PRDM14: variants seen among roughly 807,000 people sequenced by gnomAD.
The protein encoded by PRDM14 is PR/SET domain 14, also known as PR domain zinc finger protein 14.
PRDM14 carries 16 observed loss-of-function variants against 48.0 expected under a neutral mutation model. That is an observed-to-expected ratio of 0.33 (90% CI 0.23 to 0.51). PRDM14 has a LOEUF of 0.51. PRDM14 is among the 20% of genes least tolerant of loss of function. PRDM14 has a pLI of 0.97. For synonymous variants in PRDM14, 264 were observed against 276.6 expected (o/e 0.95, Z 0.45); for missense variants, 566 against 719.6 (o/e 0.79, Z 2.44).
At position 70,053,098 on chromosome 8, in the gene PRDM14, TAAAAAAA is replaced by T. The variant is rs71275048; in HGVS notation, c.1489-801_1489-795del. ...GGGTAACAGAGCAAGACCCTCTCTT[TAAAAAAA>T]AAAAAAAAAAAAAAAGCAGATTACC... On this transcript the variant is annotated intron_variant, in intron 7 of 7. Transcript: ENST00000276594. 2.4e-3 allele frequency among the ~76,000 whole-genome samples: 196 copies of T among 82,166 alleles called. 1 individual carries two copies. The highest frequency in any genetic ancestry group is 8.7e-3 in the African/African-American group (182 of 20,940). 53.9% of individuals were successfully genotyped at this position (82,166 alleles called of 152,430 possible).
rs1475318712 is a variant in PRDM14 at position 70,069,492 on chromosome 8, A to T, written c.369T>A (p.Gly123=). 11 of 1,587,758 alleles carry T rather than the reference A, an allele frequency of 6.9e-6. No individual in the cohort carries two copies. Among genetic ancestry groups the T allele is most frequent in the Non-Finnish European group, 9.4e-6 (11 of 1,165,872 alleles). Reference sequence around the variant, plus strand: ...GGTGGCCCAGATCTTCACTGCTGGCACCCGCGTACTCGTGGCTGCTGCTCA... The same window carrying T: ...GGTGGCCCAGATCTTCACTGCTGGCTCCCGCGTACTCGTGGCTGCTGCTCA... ...PFLSSSHEYA[G]ASSEDLGHQI... is the part of the protein sequence containing the mutation. The change falls in exon 2 of 8, where the codon GGT becomes GGA. Residue 123 remains glycine (G), a synonymous_variant. Transcript: ENST00000276594.
At chr8:70,057,528 C>T (rs1485272447) in intron 6 of PRDM14, among the ~76,000 whole-genome samples, 1 of 152,030 alleles carries the variant, frequency 6.6e-6, no homozygotes, top group East Asian at 1.9e-4. Flanking sequence ...GATGGGGTTT[C>T]GCCATGTTGG....
Position 70,069,267 on chromosome 8 carries a change from C to T in PRDM14, c.594G>A (p.Thr198=), listed in dbSNP as rs1805723143. ...ACAGAACGAAGTGCAGGTCCTCCTC[C>T]GTGAACTGGAACCGAGCAGGGGACT... ...EGKSPARFQF[T]EEDLHFVLYG... Residue 198 remains threonine, a synonymous_variant, in exon 2 of 8, where the codon ACG becomes ACA. Coordinates refer to ENST00000276594, the MANE Select transcript of PRDM14 (RefSeq NM_024504.4). 1.9e-6 allele frequency: 3 copies of T among 1,610,172 alleles called. No individual in the cohort carries two copies. The highest frequency in any genetic ancestry group is 2.5e-6 in the Non-Finnish European group (3 of 1,178,050).
intron 5 of PRDM14, among the ~76,000 whole-genome samples, 175 bp from the exon 6 acceptor site, chr8:70,059,017 C>T (rs373899787): frequency 2.0e-5 from 3 of 152,194 alleles, no homozygotes; most frequent in African/African-American, 4.8e-5. Flanking sequence ...TGCAGTGGCA[C>T]GATCTTGGCT....
rs562369840 is a variant in PRDM14 at position 70,063,255 on chromosome 8, G to A, written c.1183+2980C>T. Among the ~76,000 whole-genome samples, 11 of 152,066 alleles carry A rather than the reference G, an allele frequency of 7.2e-5. No individual in the cohort carries two copies. In the South Asian group the frequency reaches 1.5e-3, roughly 20 times the overall value. ...TCAAGACCAGCCTGGCCAAAATGGC[G>A]AAACCCCATCTCTACTAAAAATACA... On this transcript the variant is annotated intron_variant, in intron 5 of 7. Coordinates refer to ENST00000276594, the MANE Select transcript of PRDM14 (RefSeq NM_024504.4).
intron 7 of PRDM14, 88 bp from the exon 8 acceptor site, chr8:70,052,392 TG>T: frequency 1.9e-6 from 2 of 1,068,462 alleles, no homozygotes; most frequent in East Asian, 4.8e-5. Context: ...ATTTCACTGT[TG>T]CTCATCCTTA....
chr8:70,066,196 G>A (rs754108431), intron 5 of PRDM14, 39 bp downstream of exon 5: 1 of 1,598,338 alleles, frequency 6.3e-7, no homozygotes. Context: ...TCCTTCTACT[G>A]GGATGCCCTC....
intron 6 of PRDM14, 143 bp downstream of exon 6, chr8:70,058,497 T>C (rs1805518800): frequency 2.9e-6 from 2 of 684,028 alleles, no homozygotes; most frequent in Non-Finnish European, 5.1e-6. Flanking sequence ...TGTTCCGTAA[T>C]ACTATCCTCT....
intron 6 of PRDM14, among the ~76,000 whole-genome samples, chr8:70,058,233 C>A (rs572701754): frequency 6.6e-6 from 1 of 152,156 alleles, no homozygotes; most frequent in Admixed American, 6.5e-5. Context: ...TGGAACAAGG[C>A]GCAGTTCCCC....
At chr8:70,064,575 T>C (rs556316547) in intron 5 of PRDM14, among the ~76,000 whole-genome samples, 2 of 148,420 alleles carry the variant, frequency 1.3e-5, no homozygotes, top group Admixed American at 6.8e-5. Context: ...CCCAGGCTGG[T>C]GTGCAGTGGC....
chr8:70,056,968 CT>C (rs34066424), intron 6 of PRDM14, among the ~76,000 whole-genome samples: 47,340 of 137,558 alleles, frequency 0.34, 7,358 homozygotes, highest in East Asian at 0.45. Flanking sequence ...AGTTTCTTTT[CT>C]TTTTTTTTTT....
At chr8:70,062,286 C>T (rs1805597228) in intron 5 of PRDM14, among the ~76,000 whole-genome samples, 1 of 152,122 alleles carries the variant, frequency 6.6e-6, no homozygotes, top group South Asian at 2.1e-4. Context: ...GCTCTGATTG[C>T]CTCTGATATC....
Position 70,058,618 on chromosome 8 carries a change from C to A in PRDM14, c.1386+22G>T. ...AGGGAGAGAGAACGTGATGGTGGGT[C>A]ATGTGTCCTCCTAATACTCACCTTG... On this transcript the variant is annotated intron_variant, in intron 6 of 7. Coordinates refer to ENST00000276594, the MANE Select transcript of PRDM14 (RefSeq NM_024504.4). 3 of 1,604,884 alleles carry A rather than the reference C, an allele frequency of 1.9e-6. No homozygotes were observed. In the South Asian group the frequency reaches 3.3e-5, roughly 18 times the overall value.
chr8:70,060,486 T>C (rs997557325), intron 5 of PRDM14, among the ~76,000 whole-genome samples: 1 of 152,184 alleles, frequency 6.6e-6, no homozygotes. Context: ...GAAACATATA[T>C]GTACTTATAT....
chr8:70,056,816 CAAAAAAAAAAA>C (rs761330044), intron 6 of PRDM14, among the ~76,000 whole-genome samples: 1 of 75,394 alleles, frequency 1.3e-5, no homozygotes, highest in African/African-American at 5.0e-5. Context: ...GAGACTGTCT[CAAAAAAAAAAA>C]AAAAAAAAAA....
intron 2 of PRDM14, among the ~76,000 whole-genome samples, chr8:70,068,742 T>C (rs1805712334): frequency 6.6e-6 from 1 of 152,138 alleles, no homozygotes; most frequent in African/African-American, 2.4e-5. Context: ...CATTTGAGAC[T>C]CAGAACAGCC....
chr8:70,057,174 C>A (rs912956452), intron 6 of PRDM14, among the ~76,000 whole-genome samples: 1 of 151,870 alleles, frequency 6.6e-6, no homozygotes, highest in African/African-American at 2.4e-5. Flanking sequence ...ACCATGTTAG[C>A]CACGATGGTC....
At chr8:70,053,437 T>A (rs1197385490) in intron 7 of PRDM14, among the ~76,000 whole-genome samples, 1 of 152,050 alleles carries the variant, frequency 6.6e-6, no homozygotes, top group Admixed American at 6.6e-5. Context: ...ATCACCCAGG[T>A]TGGAGTGCAG....
chr8:70,069,544 TG>T lies in PRDM14; in HGVS notation c.316del (p.His106ThrfsTer10), dbSNP rs745563174. On this transcript the variant is annotated frameshift_variant, in exon 2 of 8. Coordinates refer to ENST00000276594, the MANE Select transcript of PRDM14 (RefSeq NM_024504.4). LOFTEE classifies it high-confidence loss of function. The part of the protein sequence containing the change: ...SKLPPWYPIP[H>X]VPREVPPFLS... The stretch of plus-strand genomic sequence containing the variant: ...GAAGGGCGGCACTTCCCTGGGGACG[TG>T]GGGAATTGGGTACCACGGTGGCAGC... 1.2e-6 allele frequency: 2 copies of T among 1,608,264 alleles called. No individual in the cohort carries two copies. The highest frequency in any genetic ancestry group is 1.7e-6 in the Non-Finnish European group (2 of 1,177,048).
Sources: allele counts gnomAD v4.1 joint callset (sites outside exome capture counted in the v4.1 genomes callset), GRCh38; gene constraint gnomAD v4.1.1; transcripts MANE v1.5; gene names NCBI Gene and HGNC (gene_info 2026-07-23, HGNC 2026-07-21).